Variants in CLEC16A observed in about 807,000 individuals in gnomAD.
The protein encoded by CLEC16A is C-type lectin domain containing 16A.
CLEC16A carries 51 observed loss-of-function variants against 109.5 expected under a neutral mutation model. That is an observed-to-expected ratio of 0.47 (90% CI 0.37 to 0.59). The LOEUF (loss-of-function observed/expected upper bound fraction) is 0.59, where lower values mean the gene tolerates loss of function less well. CLEC16A is among the 20% of genes least tolerant of loss of function. The probability of loss-of-function intolerance (pLI) is 0.00; values close to 1 mark genes in which losing one functional copy is unlikely to be tolerated. For synonymous variants in CLEC16A, 673 were observed against 564.2 expected (o/e 1.19, Z -2.73); for missense variants, 1,339 against 1,394.0 (o/e 0.96, Z 0.63).
intron 14 of CLEC16A, 51 bp downstream of exon 14, chr16:11,039,927 C>G: frequency 6.3e-7 from 1 of 1,586,802 alleles, no homozygotes. Flanking sequence ...TTGTAGGAAG[C>G]AGACCCCACT....
chr16:11,145,153 TC>T (rs2053999553), intron 22 of CLEC16A, among the ~76,000 whole-genome samples: 1 of 152,140 alleles, frequency 6.6e-6, no homozygotes, highest in Non-Finnish European at 1.5e-5. Flanking sequence ...CGATTACCTG[TC>T]CTGGACTTGG....
At chr16:11,157,158 A>G in intron 22 of CLEC16A, 1 of 1,269,454 alleles carries the variant, frequency 7.9e-7, no homozygotes, top group Non-Finnish European at 1.0e-6. Flanking sequence ...GCAAGTTCCC[A>G]GCTATTTTTG....
intron 22 of CLEC16A, among the ~76,000 whole-genome samples, chr16:11,147,920 C>T (rs980897795): frequency 3.9e-5 from 6 of 152,242 alleles, no homozygotes; most frequent in Admixed American, 3.3e-4. Flanking sequence ...AATCCAGACT[C>T]ACCTGGCACC....
intron 13 of CLEC16A, among the ~76,000 whole-genome samples, chr16:11,035,472 C>G (rs867138209): frequency 4.0e-5 from 6 of 151,382 alleles, no homozygotes; most frequent in African/African-American, 1.2e-4. Flanking sequence ...AGGGAAAGAG[C>G]GTTAACCAGC....
chr16:11,020,492 C>T (rs1257075459), intron 12 of CLEC16A, among the ~76,000 whole-genome samples, 167 bp downstream of exon 12: 6 of 152,354 alleles, frequency 3.9e-5, no homozygotes, highest in East Asian at 3.9e-4. Flanking sequence ...AGCATGGAGA[C>T]GGAGCCATCA....
At chr16:10,972,689 C>T (rs890981776) in intron 6 of CLEC16A, 130 bp downstream of exon 6, 3 of 889,622 alleles carry the variant, frequency 3.4e-6, no homozygotes, top group Non-Finnish European at 5.3e-6. Context: ...CTCCCATGCA[C>T]CATTAATGTT....
chr16:11,067,364 C>A (rs572582817), intron 19 of CLEC16A, among the ~76,000 whole-genome samples: 1 of 151,204 alleles, frequency 6.6e-6, no homozygotes, highest in African/African-American at 2.4e-5. Flanking sequence ...GGGGTTTAAC[C>A]TGGCTGGAGG....
At chr16:11,162,429 T>C (rs960051177) in intron 22 of CLEC16A, among the ~76,000 whole-genome samples, 5 of 152,144 alleles carry the variant, frequency 3.3e-5, no homozygotes, top group Admixed American at 2.0e-4. Context: ...CATCCTCCCT[T>C]TTTTTTCTCT....
rs1207981400 is a variant in CLEC16A, at chr16:11,174,931, C to T, written c.2807-3404C>T. 6.6e-6 allele frequency among the ~76,000 whole-genome samples: 1 copy of T among 152,220 alleles called. No homozygotes were observed. The highest frequency in any genetic ancestry group is 6.5e-5 in the Admixed American group (1 of 15,288). On this transcript the variant is annotated intron_variant, in intron 23 of 23. Coordinates refer to ENST00000409790, the MANE Select transcript of CLEC16A (RefSeq NM_015226.3). The surrounding 1 kb of genome is among the most constrained non-coding windows in gnomAD (Gnocchi z 4.7). Reference sequence around the variant, plus strand: ...TGGCTCGCTGTCGGGGCCATCCCTGCTGCCTCCCCTATGACGCTTCTTCTG... The same window carrying T: ...TGGCTCGCTGTCGGGGCCATCCCTGTTGCCTCCCCTATGACGCTTCTTCTG...
chr16:11,000,027 G>A (rs1340729006), intron 10 of CLEC16A, among the ~76,000 whole-genome samples: 4 of 152,112 alleles, frequency 2.6e-5, no homozygotes, highest in South Asian at 2.1e-4. Flanking sequence ...TAGTAGAAGC[G>A]GAGTTTCACT....
intron 17 of CLEC16A, chr16:11,048,500 T>C (rs1305180383): frequency 6.6e-6 from 1 of 152,178 alleles, no homozygotes; most frequent in Non-Finnish European, 1.5e-5. Context: ...TAAACCTAAG[T>C]GTTTTAAGTG....
At chr16:11,139,374 C>T (rs1287586585) in intron 22 of CLEC16A, among the ~76,000 whole-genome samples, 1 of 152,200 alleles carries the variant, frequency 6.6e-6, no homozygotes, top group Non-Finnish European at 1.5e-5. Context: ...GACTAAAATA[C>T]AGTTTTCTTT....
chr16:11,116,849 C>T (rs1313249651), intron 19 of CLEC16A, among the ~76,000 whole-genome samples: 2 of 152,242 alleles, frequency 1.3e-5, no homozygotes, highest in Non-Finnish European at 2.9e-5. Flanking sequence ...GGAAGTATTC[C>T]ACAACTGGGA....
At position 11,120,807 on chromosome 16, in the gene CLEC16A, TACAA is replaced by T. The variant is rs1419688366; in HGVS notation, c.2268+45_2268+48del. On this transcript the variant is annotated intron_variant, in intron 20 of 23. Transcript: ENST00000409790. ...GCTCTGGGATCTGTTCTCAGTTGGC[TACAA>T]ACACACACACACACACACACACACA... 7.2e-6 allele frequency: 10 copies of T among 1,392,544 alleles called. No homozygotes were observed. In the East Asian group the frequency reaches 2.6e-4, roughly 36 times the overall value. The allele number at this position is 1,392,544 out of a possible 1,614,324, so 86.3% of individuals were successfully genotyped here.
intron 13 of CLEC16A, among the ~76,000 whole-genome samples, chr16:11,035,144 C>T (rs1236610944): frequency 1.3e-5 from 2 of 152,158 alleles, no homozygotes. Flanking sequence ...TTATAGAAAA[C>T]AAAAATGAGA....
At chr16:11,124,995 G>A (rs377735822) in intron 21 of CLEC16A, among the ~76,000 whole-genome samples, 27 of 152,216 alleles carry the variant, frequency 1.8e-4, no homozygotes, top group Admixed American at 1.2e-3. Flanking sequence ...AGGCTGAGGC[G>A]GGAGGATCAC....
In CLEC16A at chr16:11,153,638, C is replaced by A. The variant is rs1217403163; in HGVS notation, c.2642-12750C>A. On this transcript the variant is annotated intron_variant, in intron 22 of 23. Transcript: ENST00000409790. The stretch of plus-strand genomic sequence containing the variant: ...GAATCAATTCCTCCTTTCTTCTTGA[C>A]GCACATTATAGAAAAGGAAAAGCAT... Among the ~76,000 whole-genome samples, 4 of 150,840 alleles carry A rather than the reference C, an allele frequency of 2.7e-5. No individual in the cohort carries two copies. In the East Asian group the frequency reaches 7.8e-4, roughly 29 times the overall value.
intron 10 of CLEC16A, among the ~76,000 whole-genome samples, chr16:11,000,589 A>G (rs1320700235): frequency 2.0e-5 from 3 of 152,130 alleles, no homozygotes; most frequent in African/African-American, 7.2e-5. Context: ...GTGGGCTCTG[A>G]TGGATGCTGT....
chr16:10,995,208 C>T (rs1235872770), intron 10 of CLEC16A, among the ~76,000 whole-genome samples: 2 of 152,340 alleles, frequency 1.3e-5, no homozygotes, highest in East Asian at 3.9e-4. Context: ...CACCTCTCAG[C>T]AGCACTGTTG....
Sources: gnomAD v4.1 joint callset for allele counts (sites outside exome capture counted in the v4.1 genomes callset) on GRCh38, gnomAD v4.1.1 for gene constraint, Gnocchi (gnomAD v3.1) non-coding constraint, MANE v1.5 for transcripts, NCBI Gene and HGNC (gene_info 2026-07-23, HGNC 2026-07-21) for gene names.